Variants in HDAC9 observed in about 807,000 individuals in gnomAD.
The protein encoded by HDAC9 is MEF-2 interacting transcription repressor (MITR) protein.
Under a neutral mutation model 139.4 loss-of-function variants are expected in HDAC9, and 41 were observed. The observed-to-expected ratio is 0.29, with a 90% CI of 0.23 to 0.38. The LOEUF (loss-of-function observed/expected upper bound fraction) is 0.38. Among genes scored for constraint, HDAC9 ranks in the 10% least tolerant of loss-of-function variants. The pLI is 1.00. For synonymous variants in HDAC9, 517 were observed against 476.2 expected (o/e 1.09, Z -1.12); for missense variants, 1,147 against 1,297.0 (o/e 0.88, Z 1.78).
chr7:18,550,742 T>A (rs2128660363), intron 2 of HDAC9, among the ~76,000 whole-genome samples: 1 of 152,266 alleles, frequency 6.6e-6, no homozygotes, highest in South Asian at 2.1e-4. Flanking sequence ...CCTGGAATGT[T>A]TAAGAAACAG....
chr7:18,579,677 T>G (rs1386087389), intron 2 of HDAC9, among the ~76,000 whole-genome samples: 1 of 152,250 alleles, frequency 6.6e-6, no homozygotes, highest in South Asian at 2.1e-4. Context: ...TCTGTAATTA[T>G]GTATATTAAC....
chr7:18,793,446 G>A lies in HDAC9; in HGVS notation c.2316G>A (p.Glu772=). 6.4e-7 allele frequency: 1 copy of A among 1,569,202 alleles called. No homozygotes were observed. Among genetic ancestry groups the A allele is most frequent in the Non-Finnish European group, 8.7e-7 (1 of 1,155,422 alleles). The change falls in exon 17 of 26, where the codon GAG becomes GAA. Residue 772 remains glutamate (E), a synonymous_variant. Transcript: ENST00000686413. ...IELASKVASG[E]LKNGFAVVRP... ...TGGCTTCCAAAGTGGCCTCAGGAGAGCTGAAGGTGAGGTCCGGGTTGCATT... is the reference window on the plus strand; with the variant it reads ...TGGCTTCCAAAGTGGCCTCAGGAGAACTGAAGGTGAGGTCCGGGTTGCATT...
chr7:18,681,902 T>C (rs996618170), intron 12 of HDAC9, among the ~76,000 whole-genome samples: 2 of 152,044 alleles, frequency 1.3e-5, no homozygotes, highest in African/African-American at 4.8e-5. Context: ...AAATATCCTT[T>C]GTCTAACGCT....
intron 1 of HDAC9, among the ~76,000 whole-genome samples, chr7:18,426,808 A>G (rs1469574082): frequency 6.6e-6 from 1 of 152,244 alleles, no homozygotes; most frequent in Non-Finnish European, 1.5e-5. Flanking sequence ...GAAACAGGAA[A>G]TTCCAGAGAA....
At chr7:18,642,800 G>A (rs894578050) in intron 8 of HDAC9, among the ~76,000 whole-genome samples, 2 of 151,976 alleles carry the variant, frequency 1.3e-5, no homozygotes, top group Admixed American at 6.6e-5. Flanking sequence ...GTTTAAGTCT[G>A]GTTCCTGTGA....
chr7:18,803,096 G>A (rs1793433724), intron 17 of HDAC9, among the ~76,000 whole-genome samples: 1 of 151,570 alleles, frequency 6.6e-6, no homozygotes, highest in South Asian at 2.1e-4. Flanking sequence ...AATTAAATTA[G>A]TTTATTTTTT....
chr7:18,360,642 T>C (rs1210535925), intron 1 of HDAC9, among the ~76,000 whole-genome samples: 2 of 152,218 alleles, frequency 1.3e-5, no homozygotes, highest in African/African-American at 4.8e-5. Flanking sequence ...TTCCATATTC[T>C]TTCCTCAAAG....
intron 2 of HDAC9, among the ~76,000 whole-genome samples, chr7:18,243,834 T>C (rs1794347462): frequency 1.3e-5 from 2 of 152,232 alleles, no homozygotes; most frequent in Admixed American, 6.5e-5. Context: ...TGCACCAGTT[T>C]CACAGCAGGA....
At chr7:18,768,902 C>T (rs1441391891) in intron 16 of HDAC9, among the ~76,000 whole-genome samples, 1 of 152,128 alleles carries the variant, frequency 6.6e-6, no homozygotes, top group Non-Finnish European at 1.5e-5. Flanking sequence ...ATTCAATAAA[C>T]TACATGAGAT....
At chr7:18,471,583 G>T (rs1050848616) in intron 1 of HDAC9, among the ~76,000 whole-genome samples, 11 of 152,176 alleles carry the variant, frequency 7.2e-5, no homozygotes, top group African/African-American at 2.7e-4. Flanking sequence ...AATGGGTTAG[G>T]TGAAAGCTCA....
chr7:18,160,703 G>A (rs1035424140), intron 1 of HDAC9, among the ~76,000 whole-genome samples: 1 of 152,138 alleles, frequency 6.6e-6, no homozygotes, highest in Non-Finnish European at 1.5e-5. Flanking sequence ...TGCAACCTCT[G>A]CCTCCCGGGT....
At chr7:18,768,848 T>C (rs1474494118) in intron 16 of HDAC9, among the ~76,000 whole-genome samples, 1 of 152,172 alleles carries the variant, frequency 6.6e-6, no homozygotes, top group Non-Finnish European at 1.5e-5. Flanking sequence ...GTAGAAACCA[T>C]ACTTTGAATA....
At chr7:18,314,087 C>G (rs1388695028) in intron 1 of HDAC9, among the ~76,000 whole-genome samples, 2 of 152,158 alleles carry the variant, frequency 1.3e-5, no homozygotes, top group African/African-American at 4.8e-5. Context: ...TATCCTCTTT[C>G]CTTAGGCAGC....
At chr7:18,656,683 A>C (rs1164043974) in intron 11 of HDAC9, among the ~76,000 whole-genome samples, 1 of 152,142 alleles carries the variant, frequency 6.6e-6, no homozygotes, top group Non-Finnish European at 1.5e-5. Context: ...GCACCACTAA[A>C]ATCTTATACA....
intron 17 of HDAC9, among the ~76,000 whole-genome samples, chr7:18,823,698 G>A (rs1050975046): frequency 3.3e-5 from 5 of 152,200 alleles, no homozygotes; most frequent in Non-Finnish European, 7.4e-5. Flanking sequence ...AAGTGGAAGA[G>A]GCCAGGCACA....
At chr7:18,234,529 T>C (rs302158) in intron 2 of HDAC9, among the ~76,000 whole-genome samples, 7,258 of 152,262 alleles carry the variant, frequency 0.048, 251 homozygotes, top group African/African-American at 0.092. Flanking sequence ...AGGCACTGAG[T>C]ATTATATGTA....
intron 17 of HDAC9, among the ~76,000 whole-genome samples, chr7:18,805,855 C>A (rs981034510): frequency 2.0e-5 from 3 of 152,000 alleles, no homozygotes; most frequent in Non-Finnish European, 4.4e-5. Context: ...GTCTCCAGAG[C>A]TGTAGGATCT....
chr7:18,529,269 T>C (rs954441682), intron 2 of HDAC9, among the ~76,000 whole-genome samples: 3 of 152,190 alleles, frequency 2.0e-5, no homozygotes, highest in Non-Finnish European at 1.5e-5. Flanking sequence ...TCCCCCTTCT[T>C]TTCCTTCCTC....
chr7:18,990,519 C>G (rs1246110978), intron 25 of HDAC9, among the ~76,000 whole-genome samples: 1 of 152,212 alleles, frequency 6.6e-6, no homozygotes, highest in African/African-American at 2.4e-5. Context: ...GTGCCCTGCC[C>G]CCAGAGGTGG....
Sources: gnomAD v4.1 joint callset for allele counts (sites outside exome capture counted in the v4.1 genomes callset) on GRCh38, gnomAD v4.1.1 for gene constraint, MANE v1.5 for transcripts, NCBI Gene and HGNC (gene_info 2026-07-23, HGNC 2026-07-21) for gene names.